Variants in PCDHA2 observed in about 807,000 individuals in gnomAD.
PCDHA2 encodes protocadherin alpha-2.
Under a neutral mutation model 66.0 loss-of-function variants are expected in PCDHA2, and 58 were observed. The observed-to-expected ratio is 0.88, with a 90% CI of 0.71 to 1.09. The LOEUF is 1.09. Ranked by LOEUF, PCDHA2 falls within the 50% of genes least tolerant of loss-of-function variation. The probability of loss-of-function intolerance (pLI) is 0.00; values close to 1 mark genes in which losing one functional copy is unlikely to be tolerated. For synonymous variants in PCDHA2, 634 were observed against 554.0 expected (o/e 1.14, Z -2.03); for missense variants, 1,267 against 1,242.3 (o/e 1.02, Z -0.30).
chr5:140,862,807 C>A, intron 1 of PCDHA2: 1 of 572,850 alleles, frequency 1.7e-6, no homozygotes. Flanking sequence ...GGAGCTGCTG[C>A]AGTTCTAGGT....
chr5:140,801,868 G>T, intron 1 of PCDHA2: 6 of 1,614,044 alleles, frequency 3.7e-6, no homozygotes, highest in Non-Finnish European at 5.1e-6. Flanking sequence ...GAGCTCACTG[G>T]CACGACTCAA....
At chr5:140,870,544 G>A in intron 1 of PCDHA2, 1 of 1,614,124 alleles carries the variant, frequency 6.2e-7, no homozygotes, top group South Asian at 1.1e-5. Context: ...GGCGCGGGAC[G>A]CGGACGCGCA....
intron 1 of PCDHA2, chr5:140,808,475 G>T: frequency 6.2e-7 from 1 of 1,614,172 alleles, no homozygotes; most frequent in East Asian, 2.2e-5. Flanking sequence ...CGCGCGAGAC[G>T]GGGGCTCGCC....
intron 1 of PCDHA2, chr5:140,856,300 T>C (rs1251498133): frequency 1.3e-6 from 2 of 1,598,422 alleles, no homozygotes; most frequent in African/African-American, 2.7e-5. Context: ...GCATTTTGTT[T>C]GTGAATTCTC....
At chr5:140,873,477 G>T (rs1351179000) in intron 1 of PCDHA2, among the ~76,000 whole-genome samples, 1 of 151,984 alleles carries the variant, frequency 6.6e-6, no homozygotes, top group Non-Finnish European at 1.5e-5. Flanking sequence ...AAATTACTTG[G>T]ACTGATTTCT....
At chr5:140,888,011 A>G (rs1554183291) in intron 1 of PCDHA2, among the ~76,000 whole-genome samples, 1 of 152,138 alleles carries the variant, frequency 6.6e-6, no homozygotes, top group African/African-American at 2.4e-5. Flanking sequence ...TCATCTTTTT[A>G]TCTATATGTT....
chr5:140,850,892 G>A (rs2041866822), intron 1 of PCDHA2: 1 of 1,577,404 alleles, frequency 6.3e-7, no homozygotes, highest in South Asian at 1.1e-5. Flanking sequence ...CTGGGAAGGT[G>A]GGTTTTTCTA....
chr5:140,798,279 G>C (rs1466705587), intron 1 of PCDHA2, among the ~76,000 whole-genome samples: 3 of 152,070 alleles, frequency 2.0e-5, no homozygotes, highest in Non-Finnish European at 4.4e-5. Flanking sequence ...AGGAATAACT[G>C]CTAATCTTAA....
At chr5:140,917,876 C>CT (rs575141569) in intron 1 of PCDHA2, among the ~76,000 whole-genome samples, 41 of 147,132 alleles carry the variant, frequency 2.8e-4, no homozygotes, top group Admixed American at 1.6e-3. Context: ...TATTTGGGCT[C>CT]TTTTTTTTTT....
At chr5:140,875,894 C>T in intron 1 of PCDHA2, 1 of 1,614,170 alleles carries the variant, frequency 6.2e-7, no homozygotes, top group Non-Finnish European at 8.5e-7. Context: ...CAAAAGGTAC[C>T]TGTTTCTGAA....
At chr5:140,884,396 C>G in intron 1 of PCDHA2, 1 of 1,614,012 alleles carries the variant, frequency 6.2e-7, no homozygotes, top group Non-Finnish European at 8.5e-7. Flanking sequence ...GGTGTCCAGC[C>G]TGTTGGTGCT....
intron 1 of PCDHA2, among the ~76,000 whole-genome samples, chr5:140,890,676 C>T (rs1377876863): frequency 3.3e-5 from 5 of 152,164 alleles, no homozygotes; most frequent in African/African-American, 1.2e-4. Flanking sequence ...AACCCTTCCT[C>T]CTTCTGGGAA....
At chr5:140,964,482 G>A (rs1554227054) in intron 1 of PCDHA2, among the ~76,000 whole-genome samples, 1 of 152,144 alleles carries the variant, frequency 6.6e-6, no homozygotes, top group African/African-American at 2.4e-5. Flanking sequence ...TTTTTTCACA[G>A]TCACAGGTCT....
At chr5:140,804,868 AT>A in intron 1 of PCDHA2, 1 of 562,698 alleles carries the variant, frequency 1.8e-6, no homozygotes, top group Non-Finnish European at 2.9e-6. Flanking sequence ...TAAAATAGAT[AT>A]TTTTCTTGAC....
intron 1 of PCDHA2, chr5:140,927,432 C>T: frequency 5.6e-6 from 9 of 1,614,124 alleles, no homozygotes; most frequent in Non-Finnish European, 5.9e-6. Flanking sequence ...TTGACGGCAG[C>T]GAATACCCGG....
intron 1 of PCDHA2, among the ~76,000 whole-genome samples, chr5:140,954,333 G>C (rs1554221356): frequency 1.3e-5 from 2 of 152,140 alleles, no homozygotes; most frequent in African/African-American, 4.8e-5. Flanking sequence ...TGGTATTTCT[G>C]CCTCTAGATC....
At chr5:140,871,198 C>T (rs540384431) in intron 1 of PCDHA2, 3 of 1,613,730 alleles carry the variant, frequency 1.9e-6, no homozygotes, top group African/African-American at 1.3e-5. Context: ...CAACGTGTAC[C>T]TGATCATCGC....
rs782038098 is a variant in PCDHA2 at position 140,796,064 on chromosome 5, C to T, written c.1100C>T (p.Thr367Ile). The change falls in exon 1 of 4, where the codon ACT becomes ATT. Residue 367 changes from threonine (T) to isoleucine (I), a missense_variant. By Grantham distance (89) the Thr-to-Ile change is moderately conservative. Coordinates refer to ENST00000526136, the MANE Select transcript of PCDHA2 (RefSeq NM_018905.3). ...LPISENASLG[T>I]VIALITVSDR... ...ATCTCAGAGAACGCTTCCCTGGGCA[C>T]TGTCATTGCTCTCATCACGGTGTCG... The T allele has an allele frequency of 1.9e-6, 3 of 1,614,122 alleles. No homozygotes were observed. The highest frequency in any genetic ancestry group is 2.5e-6 in the Non-Finnish European group (3 of 1,180,058).
chr5:140,822,633 C>T (rs143650923), intron 1 of PCDHA2: 28 of 1,610,462 alleles, frequency 1.7e-5, no homozygotes, highest in African/African-American at 2.7e-5. Context: ...TTGTTCTTGA[C>T]GATGTAAAGT....
Sources: gnomAD v4.1 joint callset for allele counts (sites outside exome capture counted in the v4.1 genomes callset) on GRCh38, gnomAD v4.1.1 for gene constraint, MANE v1.5 for transcripts, NCBI Gene and HGNC (gene_info 2026-07-23, HGNC 2026-07-21) for gene names.